Variants in ATP2A3 observed in about 807,000 individuals in gnomAD.
The protein encoded by ATP2A3 is ATPase sarcoplasmic/endoplasmic reticulum Ca2+ transporting 3.
ATP2A3 carries 61 observed loss-of-function variants against 106.8 expected under a neutral mutation model. The ratio of observed to expected loss-of-function variants is 0.57; its 90% CI spans 0.46 to 0.71. The LOEUF is 0.71. ATP2A3 is among the 30% of genes least tolerant of loss of function. The pLI is 0.00. For synonymous variants in ATP2A3, 611 were observed against 609.3 expected (o/e 1.00, Z -0.04); for missense variants, 1,201 against 1,423.5 (o/e 0.84, Z 2.52).
At position 3,953,060 on chromosome 17, in the gene ATP2A3, T is replaced by C. The variant is rs1292931943; in HGVS notation, c.219+287A>G. Among the ~76,000 whole-genome samples the C allele has an allele frequency of 3.3e-5, 5 of 152,044 alleles. No homozygotes were observed. The South Asian group carries it at 1.0e-3, about 32-fold the overall frequency. ...GTGCTGAGGCAGAGAAACCCTAGGGTACAGCAGGGCGGGGCGGGGGGCAGA... is the reference window on the plus strand; with the variant it reads ...GTGCTGAGGCAGAGAAACCCTAGGGCACAGCAGGGCGGGGCGGGGGGCAGA... On this transcript the variant is annotated intron_variant, in intron 3 of 20. Transcript: ENST00000397041. This position sits in a 1 kb window ranked among gnomAD's most constrained non-coding sequence, Gnocchi z 5.1.
At chr17:3,958,729 TACACATATATATAG>T (rs772562983) in intron 1 of ATP2A3, among the ~76,000 whole-genome samples, 4,013 of 117,502 alleles carry the variant, frequency 0.034, 248 homozygotes, top group African/African-American at 0.05. Flanking sequence ...CACATATATA[TACACATATATATAG>T]ACACACATAT....
chr17:3,937,434 T>A lies in ATP2A3; in HGVS notation c.2303A>T (p.Asn768Ile). ...GCCTCACCAGACGACCTCGCCAACA[T>A]TGGAGGAGATGAGGTAGCGGATGAA... is the stretch of plus-strand genomic sequence containing the variant. Reference protein sequence around the residue: ...KQFIRYLISSNVGEVVCIFLT... With the variant: ...KQFIRYLISSIVGEVVCIFLT... The change falls in exon 15 of 21, where the codon AAT becomes ATT. Residue 768 changes from asparagine (N) to isoleucine (I), a missense_variant. Physicochemically the swap from Asn to Ile is moderately radical, Grantham distance 149. Coordinates refer to ENST00000397041, the MANE Select transcript of ATP2A3 (RefSeq NM_005173.4). 6.2e-7 allele frequency: 1 copy of A among 1,612,722 alleles called. No individual in the cohort carries two copies. The highest frequency in any genetic ancestry group is 8.5e-7 in the Non-Finnish European group (1 of 1,179,088).
rs983938733 is a variant in ATP2A3 at position 3,947,510 on chromosome 17, T to C, written c.976A>G (p.Met326Val). The C allele has an allele frequency of 3.7e-6, 6 of 1,613,434 alleles. No individual in the cohort carries two copies. Among genetic ancestry groups the C allele is most frequent in the Non-Finnish European group, 5.1e-6 (6 of 1,179,988 alleles). The change falls in exon 8 of 21, where the codon ATG becomes GTG. Residue 326 changes from methionine to valine, a missense_variant. Around this residue, in one of 2 missense-constraint regions of ATP2A3, gnomAD observed 935 missense variants for 1,176.7 expected, o/e 0.79. Coordinates refer to ENST00000397041, the MANE Select transcript of ATP2A3 (RefSeq NM_005173.4). This position sits in a 1 kb window ranked among gnomAD's most constrained non-coding sequence, Gnocchi z 7.7. ...TTCLALGTRR[M>V]ARKNAIVRSL... ...CGCACGATGGCGTTCTTGCGTGCCA[T>C]GCGCCGCGTGCCCAGTGCCAGGCAT...
intron 10 of ATP2A3, among the ~76,000 whole-genome samples, chr17:3,943,917 CCT>C (rs2144530116): frequency 6.6e-6 from 1 of 152,288 alleles, no homozygotes; most frequent in Non-Finnish European, 1.5e-5. Context: ...CCTCAGGCCA[CCT>C]CTCCCACTCT....
Position 3,937,554 on chromosome 17 carries a change from T to G in ATP2A3, c.2183A>C (p.Lys728Thr). 1 of 1,614,158 alleles carries G rather than the reference T, an allele frequency of 6.2e-7. No individual in the cohort carries two copies. Among genetic ancestry groups the G allele is most frequent in the Non-Finnish European group, 8.5e-7 (1 of 1,180,040 alleles). The change falls in exon 15 of 21, where the codon AAG becomes ACG. Residue 728 changes from lysine to threonine, a missense_variant. Lys to Thr is a moderately conservative substitution (Grantham distance 78). This residue lies in a region of ATP2A3 where 935 missense variants were observed against 1,176.7 expected (regional missense o/e 0.79). Transcript: ENST00000397041. ...IAMGSGTAVA[K>T]SAAEMVLSDD... Reference sequence around the variant, plus strand: ...TGACAGCACCATCTCTGCCGCCGACTTGGCCACGGCCGTGCCTGAGCCCAT... The same window carrying G: ...TGACAGCACCATCTCTGCCGCCGACGTGGCCACGGCCGTGCCTGAGCCCAT...
intron 15 of ATP2A3, chr17:3,937,060 G>A (rs1212216893): frequency 3.1e-5 from 12 of 384,186 alleles, no homozygotes; most frequent in African/African-American, 6.2e-5. Flanking sequence ...CTCAGGCCAT[G>A]TGCACACAAA....
chr17:3,958,848 A>C (rs2054964734), intron 1 of ATP2A3, among the ~76,000 whole-genome samples: 1 of 108,126 alleles, frequency 9.2e-6, no homozygotes, highest in Admixed American at 9.8e-5. Context: ...ACACATATAT[A>C]AATATATATA....
At chr17:3,961,422 ATG>A (rs2055129656) in intron 1 of ATP2A3, among the ~76,000 whole-genome samples, 1 of 145,720 alleles carries the variant, frequency 6.9e-6, no homozygotes, top group African/African-American at 2.5e-5. Flanking sequence ...ATGGGGTTTT[ATG>A]TGTGAGTGGA....
At position 3,935,279 on chromosome 17, in the gene ATP2A3, T is replaced by C. The variant is rs2053370116; in HGVS notation, c.2525-2A>G. 1.2e-6 allele frequency: 2 copies of C among 1,613,420 alleles called. No individual in the cohort carries two copies. Among genetic ancestry groups the C allele is most frequent in the Non-Finnish European group, 1.7e-6 (2 of 1,179,926 alleles). ...CCACTGTGGCCAGGCCTACGTACAC[T>C]GCGGGGAAGGGAGGAGACCGGCTGT... is the stretch of plus-strand genomic sequence containing the variant. On this transcript the variant is annotated splice_acceptor_variant, in intron 16 of 20. Coordinates refer to ENST00000397041, the MANE Select transcript of ATP2A3 (RefSeq NM_005173.4). LOFTEE classifies it high-confidence loss of function.
Position 3,937,564 on chromosome 17 carries a change from C to T in ATP2A3, c.2173G>A (p.Ala725Thr). ...EIGIAMGSGT[A>T]VAKSAAEMVL... The stretch of plus-strand genomic sequence containing the variant: ...ATCTCTGCCGCCGACTTGGCCACGG[C>T]CGTGCCTGAGCCCATGGCGATGCCG... Residue 725 changes from alanine (A) to threonine (T), a missense_variant, in exon 15 of 21, where the codon GCC becomes ACC. By Grantham distance (58) the Ala-to-Thr change is moderately conservative. This residue lies in a region of ATP2A3 where 935 missense variants were observed against 1,176.7 expected (regional missense o/e 0.79). Transcript: ENST00000397041. 4.3e-6 allele frequency: 7 copies of T among 1,614,134 alleles called. No individual in the cohort carries two copies. Among genetic ancestry groups the T allele is most frequent in the Non-Finnish European group, 5.9e-6 (7 of 1,180,036 alleles).
At chr17:3,932,945 G>A (rs1192964714) in intron 17 of ATP2A3, among the ~76,000 whole-genome samples, 3 of 151,758 alleles carry the variant, frequency 2.0e-5, no homozygotes, top group Non-Finnish European at 4.4e-5. Flanking sequence ...TGCTTAAGAC[G>A]CTTATGCGTC....
chr17:3,951,543 A>ACCGCCCCCCCCCCCGGGCCCCCCCCCCGG, intron 4 of ATP2A3, 38 bp downstream of exon 4: 1 of 1,387,008 alleles, frequency 7.2e-7, no homozygotes, highest in South Asian at 1.2e-5. Context: ...TGGCTGGGAG[A>ACCGCCCCCCCCCCCGGGCCCCCCCCCCGG]CCGCCCCCCG....
At position 3,928,032 on chromosome 17, in the gene ATP2A3, C is replaced by T; in HGVS notation, c.2980+631G>A. ...TCTGACAGCGAGACGATGCTGTGTCCCTGGCCCTTGGAAGTTCAGAATCAC... is the reference window on the plus strand; with the variant it reads ...TCTGACAGCGAGACGATGCTGTGTCTCTGGCCCTTGGAAGTTCAGAATCAC... On this transcript the variant is annotated intron_variant, in intron 20 of 20. Transcript: ENST00000397041. This position sits in a 1 kb window ranked among gnomAD's most constrained non-coding sequence, Gnocchi z 6.1. 1 of 1,614,066 alleles carries T rather than the reference C, an allele frequency of 6.2e-7. No individual in the cohort carries two copies. Among genetic ancestry groups the T allele is most frequent in the Non-Finnish European group, 8.5e-7 (1 of 1,180,014 alleles).
intron 14 of ATP2A3, among the ~76,000 whole-genome samples, chr17:3,940,692 G>C (rs565315650): frequency 1.1e-4 from 16 of 152,262 alleles, no homozygotes; most frequent in African/African-American, 2.9e-4. Flanking sequence ...ACTTTTAGTA[G>C]AGACGGGGTT....
chr17:3,925,348 T>C lies in ATP2A3; in HGVS notation c.*74A>G. On this transcript the variant is annotated 3_prime_UTR_variant, in exon 21 of 21. Coordinates refer to ENST00000397041, the MANE Select transcript of ATP2A3 (RefSeq NM_005173.4). The surrounding 1 kb of genome is among the most constrained non-coding windows in gnomAD (Gnocchi z 4.2). ...AAGTGGGCGAGTGTGGTGGCAAGGG[T>C]GGGGGGCGGAGGCGAACACATGGGC... The C allele has an allele frequency of 6.2e-7, 1 of 1,611,496 alleles. No homozygotes were observed. The highest frequency in any genetic ancestry group is 8.5e-7 in the Non-Finnish European group (1 of 1,179,044).
Position 3,951,594 on chromosome 17 carries a change from A to T in ATP2A3, c.311T>A (p.Val104Glu). The stretch of plus-strand genomic sequence containing the variant: ...AGTGCCTCCCACCTGCCACACGCCC[A>T]CAATGGCGTTGGCCACGAGGATCAG... ...IMLILVANAI[V>E]GVWQERNAES... Residue 104 changes from valine to glutamate, a missense_variant, in exon 4 of 21, where the codon GTG becomes GAG. This residue lies in a region of ATP2A3 where 266 missense variants were observed against 246.8 expected (regional missense o/e 1.08). Transcript: ENST00000397041. 9.8e-7 allele frequency: 1 copy of T among 1,021,816 alleles called. No homozygotes were observed. The highest frequency in any genetic ancestry group is 1.3e-6 in the Non-Finnish European group (1 of 769,862). 63.3% of individuals were successfully genotyped at this position (1,021,816 alleles called of 1,614,324 possible).
chr17:3,959,536 C>A (rs188498168), intron 1 of ATP2A3, among the ~76,000 whole-genome samples: 8 of 152,358 alleles, frequency 5.3e-5, no homozygotes, highest in African/African-American at 1.9e-4. Flanking sequence ...AGGCTCCACA[C>A]CACCTGCTCC....
rs575700888 is a variant in ATP2A3, at chr17:3,964,100, G to A, written c.118+74C>T. 1.6e-4 allele frequency: 128 copies of A among 809,348 alleles called. 2 individuals are homozygous for A. The African/African-American group carries it at 2.1e-3, about 13-fold the overall frequency. 50.1% of individuals were successfully genotyped at this position (809,348 alleles called of 1,614,324 possible). ...TCCTGCCCGCCCAGAGCCGGGTGGG[G>A]AGGCAGGAGGGGAAACTGAGACTGC... On this transcript the variant is annotated intron_variant, in intron 1 of 20. Transcript: ENST00000397041.
At chr17:3,951,546 G>GCCCCCCCCCCCCCGGCCCCC in intron 4 of ATP2A3, 35 bp downstream of exon 4, 5 of 1,319,570 alleles carry the variant, frequency 3.8e-6, no homozygotes, top group Non-Finnish European at 5.2e-6. Flanking sequence ...CTGGGAGACC[G>GCCCCCCCCCCCCCGGCCCCC]CCCCCCGCCC....
Sources: gnomAD v4.1 joint callset for allele counts (sites outside exome capture counted in the v4.1 genomes callset) on GRCh38, gnomAD v4.1.1 for gene constraint, gnomAD v4.1.1 regional missense constraint, Gnocchi (gnomAD v3.1) non-coding constraint, MANE v1.5 for transcripts, NCBI Gene and HGNC (gene_info 2026-07-23, HGNC 2026-07-21) for gene names.